The following SLCO3A1 variants were observed in gnomAD, a reference collection of about 807,000 sequenced individuals.
SLCO3A1 encodes the protein PGE1 transporter.
In SLCO3A1, 27 loss-of-function variants were observed where a neutral mutation model predicts 63.1. The observed-to-expected ratio is 0.43, with a 90% CI of 0.32 to 0.59. The LOEUF is 0.59. Among genes scored for constraint, SLCO3A1 ranks in the 20% least tolerant of loss-of-function variants. SLCO3A1 has a pLI of 0.09. For missense variants in SLCO3A1, 773 were observed against 945.8 expected, an observed-to-expected ratio of 0.82 and a Z score of 2.40; for synonymous variants, 473 against 409.9, an observed-to-expected ratio of 1.15 and a Z score of -1.86.
intron 2 of SLCO3A1, among the ~76,000 whole-genome samples, chr15:92,049,298 A>C (rs58304882): frequency 0.16 from 24,757 of 152,108 alleles, 2,115 homozygotes; most frequent in African/African-American, 0.21. Context: ...TCTGTGTCTG[A>C]AATCCAGATT....
chr15:92,020,655 C>G (rs1216581269), intron 2 of SLCO3A1, among the ~76,000 whole-genome samples: 1 of 152,138 alleles, frequency 6.6e-6, no homozygotes, highest in Non-Finnish European at 1.5e-5. Flanking sequence ...CATGCACCAC[C>G]CAGCACTCCC....
chr15:91,879,608 G>A (rs1897501586), intron 1 of SLCO3A1, among the ~76,000 whole-genome samples: 1 of 152,122 alleles, frequency 6.6e-6, no homozygotes, highest in South Asian at 2.1e-4. Flanking sequence ...ACGAAGAAGA[G>A]AAAATGGAAG....
intron 2 of SLCO3A1, among the ~76,000 whole-genome samples, chr15:92,079,191 C>G (rs1000539287): frequency 1.3e-5 from 2 of 152,130 alleles, no homozygotes; most frequent in Non-Finnish European, 2.9e-5. Context: ...GCTGCATTCA[C>G]GTTGGATGGC....
At chr15:92,095,041 G>A in intron 3 of SLCO3A1, 62 bp downstream of exon 3, 1 of 1,167,084 alleles carries the variant, frequency 8.6e-7, no homozygotes, top group Non-Finnish European at 1.3e-6. Context: ...CATAAATGCG[G>A]CTTCAGCCTG....
chr15:91,952,069 G>A (rs1323484835), intron 2 of SLCO3A1, among the ~76,000 whole-genome samples: 1 of 152,184 alleles, frequency 6.6e-6, no homozygotes, highest in Non-Finnish European at 1.5e-5. Context: ...TGGTAGGCAT[G>A]CTAATGGGTA....
Position 92,165,625 on chromosome 15 carries a change from A to C in SLCO3A1, c.*2490A>C, listed in dbSNP as rs2048487985. The C allele has an allele frequency of 1.0e-6, 1 of 985,328 alleles. No individual in the cohort carries two copies. Among genetic ancestry groups the C allele is most frequent in the Non-Finnish European group, 1.2e-6 (1 of 829,926 alleles). 61.0% of individuals were successfully genotyped at this position (985,328 alleles called of 1,614,324 possible). A position where few individuals can be genotyped will look rare whatever the true frequency, so the allele number is the denominator to read the frequency against. ...GACAACTCCAGGGCTGAGTTTTATCAGCAATTGGGTATAAATTTAAAGACC... is the reference window on the plus strand; with the variant it reads ...GACAACTCCAGGGCTGAGTTTTATCCGCAATTGGGTATAAATTTAAAGACC... On this transcript the variant is annotated 3_prime_UTR_variant, in exon 10 of 10. Transcript: ENST00000318445.
chr15:92,157,577 G>C (rs1482527582), intron 9 of SLCO3A1, among the ~76,000 whole-genome samples: 1 of 150,642 alleles, frequency 6.6e-6, no homozygotes, highest in Middle Eastern at 3.2e-3. Context: ...TGCAATCTCT[G>C]CCTCCCAGGT....
intron 2 of SLCO3A1, among the ~76,000 whole-genome samples, chr15:92,026,640 GTTAT>G (rs1218928674): frequency 1.3e-5 from 2 of 152,180 alleles, no homozygotes; most frequent in Non-Finnish European, 1.5e-5. Flanking sequence ...TCTGTAACCA[GTTAT>G]TTATTTTAAA....
Position 91,862,562 on chromosome 15 carries a change from C to A in SLCO3A1, c.180+8474C>A, listed in dbSNP as rs1034319715. On this transcript the variant is annotated intron_variant, in intron 1 of 9. Coordinates refer to ENST00000318445, the MANE Select transcript of SLCO3A1 (RefSeq NM_013272.4). The surrounding 1 kb of genome is among the most constrained non-coding windows in gnomAD (Gnocchi z 4.0). ...AACTTTTGGGTGTCTGGATAATGAACCTGTTCAGATAGGCCTTGAGACTTT... is the reference window on the plus strand; with the variant it reads ...AACTTTTGGGTGTCTGGATAATGAAACTGTTCAGATAGGCCTTGAGACTTT... 2.0e-5 allele frequency among the ~76,000 whole-genome samples: 3 copies of A among 152,194 alleles called. No homozygotes were observed. The highest frequency in any genetic ancestry group is 4.4e-5 in the Non-Finnish European group (3 of 68,042).
chr15:92,106,549 A>T (rs1457806885), intron 4 of SLCO3A1, among the ~76,000 whole-genome samples: 1 of 152,188 alleles, frequency 6.6e-6, no homozygotes. Flanking sequence ...GGGCGACTAC[A>T]GTATTTTCAG....
At chr15:91,935,677 G>A (rs1567193654) in intron 2 of SLCO3A1, among the ~76,000 whole-genome samples, 2 of 152,202 alleles carry the variant, frequency 1.3e-5, no homozygotes, top group Non-Finnish European at 2.9e-5. Flanking sequence ...GAGAGAGAAG[G>A]GCCTGCCACT....
At chr15:92,025,010 T>G (rs2046554290) in intron 2 of SLCO3A1, among the ~76,000 whole-genome samples, 1 of 147,642 alleles carries the variant, frequency 6.8e-6, no homozygotes, top group Non-Finnish European at 1.5e-5. Flanking sequence ...TCCATCCATC[T>G]GTTCATCCAT....
At chr15:92,096,751 T>C (rs1483383051) in intron 3 of SLCO3A1, among the ~76,000 whole-genome samples, 2 of 152,172 alleles carry the variant, frequency 1.3e-5, no homozygotes, top group African/African-American at 4.8e-5. Flanking sequence ...CCTACTGATA[T>C]ATTTACTTGT....
At chr15:91,877,682 A>G (rs1218152608) in intron 1 of SLCO3A1, among the ~76,000 whole-genome samples, 3 of 152,150 alleles carry the variant, frequency 2.0e-5, no homozygotes, top group Non-Finnish European at 2.9e-5. Context: ...CCTTGGCTGG[A>G]AGGTCCAGTC....
intron 2 of SLCO3A1, among the ~76,000 whole-genome samples, chr15:92,015,475 G>A (rs578058536): frequency 2.0e-5 from 3 of 152,014 alleles, no homozygotes; most frequent in Non-Finnish European, 4.4e-5. Flanking sequence ...TCACTATCAC[G>A]AGAACAGCAT....
intron 2 of SLCO3A1, among the ~76,000 whole-genome samples, chr15:92,038,669 C>A (rs980239531): frequency 1.3e-5 from 2 of 152,088 alleles, no homozygotes; most frequent in African/African-American, 4.8e-5. Context: ...TGAAAATGGC[C>A]ATACTGCCCA....
intron 9 of SLCO3A1, chr15:92,153,547 C>T (rs1213239852): frequency 6.6e-6 from 1 of 152,232 alleles, no homozygotes; most frequent in African/African-American, 2.4e-5. Context: ...CCGGCAAAGA[C>T]ATCAGATCCT....
intron 1 of SLCO3A1, among the ~76,000 whole-genome samples, chr15:91,905,636 T>TTG (rs1597107488): frequency 2.0e-5 from 3 of 152,042 alleles, no homozygotes; most frequent in East Asian, 1.9e-4. Flanking sequence ...GTTTTTTGTT[T>TTG]TTTTTTTAAG....
chr15:91,941,374 G>A lies in SLCO3A1; in HGVS notation c.646+24916G>A. 2.7e-6 allele frequency: 1 copy of A among 369,024 alleles called. No individual in the cohort carries two copies. Among genetic ancestry groups the A allele is most frequent in the Non-Finnish European group, 5.3e-6 (1 of 187,788 alleles). 22.9% of individuals were successfully genotyped at this position (369,024 alleles called of 1,614,324 possible). ...AGCCCAAAGACCTGAGATTCCCTGG[G>A]AGGCTGTGGGGTCTGCCACCCAGCA... On this transcript the variant is annotated intron_variant, in intron 2 of 9. Coordinates refer to ENST00000318445, the MANE Select transcript of SLCO3A1 (RefSeq NM_013272.4). This position sits in a 1 kb window ranked among gnomAD's most constrained non-coding sequence, Gnocchi z 4.4.
Sources: allele counts gnomAD v4.1 joint callset (sites outside exome capture counted in the v4.1 genomes callset), GRCh38; gene constraint gnomAD v4.1.1; non-coding constraint Gnocchi (gnomAD v3.1); transcripts MANE v1.5; gene names NCBI Gene and HGNC (gene_info 2026-07-23, HGNC 2026-07-21).